The following TMEM131 variants were observed in gnomAD, a reference collection of about 807,000 sequenced individuals.
TMEM131 encodes the protein 2610524E03Rik.
A neutral mutation model predicts 211.6 loss-of-function variants in TMEM131; 66 were observed. That is an observed-to-expected ratio of 0.31 (90% CI 0.26 to 0.38). TMEM131 has a LOEUF of 0.38. Among genes scored for constraint, TMEM131 ranks in the 10% least tolerant of loss-of-function variants. TMEM131 has a pLI of 1.00. For missense variants in TMEM131, 2,036 were observed against 2,299.3 expected (o/e 0.89, Z 2.34); for synonymous variants, 844 against 841.3 (o/e 1.00, Z -0.06).
chr2:97,790,424 C>A (rs967051830), intron 31 of TMEM131, among the ~76,000 whole-genome samples: 8 of 152,214 alleles, frequency 5.3e-5, no homozygotes, highest in African/African-American at 1.9e-4. Context: ...TGTCTCCTCA[C>A]AGGCTCAAGA....
rs1476558174 is a variant in TMEM131, at chr2:97,757,097, A to T, written c.*2T>A. 6 of 1,578,388 alleles carry T rather than the reference A, an allele frequency of 3.8e-6. No homozygotes were observed. In the Admixed American group the frequency reaches 7.3e-5, roughly 19 times the overall value. On this transcript the variant is annotated 3_prime_UTR_variant, in exon 41 of 41. Coordinates refer to ENST00000186436, the MANE Select transcript of TMEM131 (RefSeq NM_015348.2). ...ACTATGTTTGTTTGTTTTTTGCTTA[A>T]TTTAATTCTCGTGAGGAAAGTGCGA...
chr2:97,895,050 T>A (rs994419327), intron 3 of TMEM131, among the ~76,000 whole-genome samples: 10 of 152,220 alleles, frequency 6.6e-5, no homozygotes, highest in Admixed American at 2.0e-4. Context: ...GTTCCATCAA[T>A]ACCTAATTTA....
At chr2:97,905,012 ATT>A (rs1197897072) in intron 3 of TMEM131, among the ~76,000 whole-genome samples, 1 of 152,226 alleles carries the variant, frequency 6.6e-6, no homozygotes, top group Admixed American at 6.5e-5. Context: ...AGAAATTAAC[ATT>A]TTGTTAACCA....
intron 4 of TMEM131, among the ~76,000 whole-genome samples, chr2:97,874,739 A>AG (rs1674624037): frequency 6.6e-6 from 1 of 152,374 alleles, no homozygotes; most frequent in African/African-American, 2.4e-5. Context: ...AAATATGGAC[A>AG]GGAACAACCA....
rs199655201 is a variant in TMEM131, at chr2:97,792,406, G to A, written c.4124C>T (p.Ser1375Leu). The A allele has an allele frequency of 5.1e-6, 8 of 1,581,468 alleles. No homozygotes were observed. Among genetic ancestry groups the A allele is most frequent in the Non-Finnish European group, 6.9e-6 (8 of 1,162,228 alleles). ...ATTACCTTTGCTTTTTGGCAATGGC[G>A]ATGGAGGCTGCTCTGTAAACACTTC... ...ALEVFTEQPP[S>L]PLPKSKGKGK... is the part of the protein sequence containing the mutation. The change falls in exon 31 of 41, where the codon TCG (serine) becomes TTG (leucine). Residue 1375 changes from serine (S) to leucine (L), a missense_variant. Physicochemically the swap from Ser to Leu is moderately radical, Grantham distance 145 (BLOSUM62 -2). This residue lies in a region of TMEM131 where 1,623 missense variants were observed against 1,805.9 expected (regional missense o/e 0.90). Coordinates refer to ENST00000186436, the MANE Select transcript of TMEM131 (RefSeq NM_015348.2).
intron 4 of TMEM131, among the ~76,000 whole-genome samples, chr2:97,871,372 A>G (rs1399764396): frequency 2.6e-5 from 4 of 152,232 alleles, no homozygotes; most frequent in African/African-American, 7.2e-5. Context: ...AGCAAGGATG[A>G]TAATAACCTT....
At chr2:97,961,070 G>A (rs1048388968) in intron 1 of TMEM131, among the ~76,000 whole-genome samples, 2 of 151,692 alleles carry the variant, frequency 1.3e-5, no homozygotes, top group African/African-American at 4.8e-5. Context: ...CATCGTACTT[G>A]ATGGTCAAAG....
Position 97,792,477 on chromosome 2 carries a change from T to A in TMEM131, c.4053A>T (p.Ile1351=). 1 of 1,613,782 alleles carries A rather than the reference T, an allele frequency of 6.2e-7. No homozygotes were observed. Among genetic ancestry groups the A allele is most frequent in the East Asian group, 2.2e-5 (1 of 44,870 alleles). ...GGTCGAAGTCTTTGTCCATGGCTTC[T>A]ATGAGACTGGTGATGTCCGAGTCCT... ...SSEDSDITSL[I]EAMDKDFDHH... is the part of the protein sequence containing the mutation. The change falls in exon 31 of 41, where the codon ATA becomes ATT. Residue 1351 remains isoleucine, a synonymous_variant. Coordinates refer to ENST00000186436, the MANE Select transcript of TMEM131 (RefSeq NM_015348.2).
At chr2:97,854,744 C>A (rs1466486350) in intron 5 of TMEM131, among the ~76,000 whole-genome samples, 1 of 152,194 alleles carries the variant, frequency 6.6e-6, no homozygotes, top group African/African-American at 2.4e-5. Context: ...CTTTGCACAA[C>A]AGGCCTGCTT....
At chr2:97,931,001 T>C (rs994707596) in intron 1 of TMEM131, among the ~76,000 whole-genome samples, 11 of 151,926 alleles carry the variant, frequency 7.2e-5, no homozygotes, top group African/African-American at 2.7e-4. Flanking sequence ...AGCAAGAAAG[T>C]GGCTAGAGAA....
intron 1 of TMEM131, among the ~76,000 whole-genome samples, chr2:97,953,642 C>T (rs111577396): frequency 1.3e-5 from 2 of 152,276 alleles, no homozygotes; most frequent in African/African-American, 4.8e-5. Flanking sequence ...AAGAACTGAA[C>T]AACAATCAAC....
chr2:97,834,556 G>T, intron 10 of TMEM131, 65 bp downstream of exon 10: 2 of 1,190,624 alleles, frequency 1.7e-6, no homozygotes, highest in Non-Finnish European at 2.3e-6. Flanking sequence ...GAGCCATTCA[G>T]CACTGAATAC....
At chr2:97,772,245 C>T (rs762745207) in intron 33 of TMEM131, 52 bp downstream of exon 33, 74 of 1,571,648 alleles carry the variant, frequency 4.7e-5, no homozygotes, top group Non-Finnish European at 5.8e-5. Context: ...ACCTGGTTTT[C>T]GCCAGCAACT....
At chr2:97,893,123 T>C (rs146516744) in intron 3 of TMEM131, among the ~76,000 whole-genome samples, 2,305 of 152,268 alleles carry the variant, frequency 0.015, 50 homozygotes, top group African/African-American at 0.042. Context: ...CTCCCACTTA[T>C]GAGTGAGAAC....
intron 33 of TMEM131, 47 bp downstream of exon 33, chr2:97,772,250 G>A: frequency 6.4e-7 from 1 of 1,572,560 alleles, no homozygotes; most frequent in Non-Finnish European, 8.6e-7. Context: ...GTTTTCGCCA[G>A]CAACTTCTTT....
chr2:97,920,671 T>C, intron 2 of TMEM131, among the ~76,000 whole-genome samples: 1 of 152,186 alleles, frequency 6.6e-6, no homozygotes, highest in East Asian at 1.9e-4. Context: ...GCCACTTTTA[T>C]AGATCAATAA....
At chr2:97,863,888 TA>T (rs1674163339) in intron 4 of TMEM131, among the ~76,000 whole-genome samples, 1 of 152,074 alleles carries the variant, frequency 6.6e-6, no homozygotes, top group Admixed American at 6.6e-5. Flanking sequence ...ACACCCAAAA[TA>T]AAGGAAATCA....
intron 1 of TMEM131, among the ~76,000 whole-genome samples, chr2:97,971,410 A>T (rs1679289215): frequency 6.6e-6 from 1 of 152,230 alleles, no homozygotes; most frequent in Non-Finnish European, 1.5e-5. Flanking sequence ...AAGAAAAAAA[A>T]TACTGAAATA....
chr2:97,859,653 G>A (rs1246210724), intron 4 of TMEM131, among the ~76,000 whole-genome samples: 3 of 152,212 alleles, frequency 2.0e-5, no homozygotes, highest in East Asian at 3.8e-4. Flanking sequence ...GGGATACAGT[G>A]AAGCAAGTTT....
Sources: allele counts gnomAD v4.1 joint callset (sites outside exome capture counted in the v4.1 genomes callset), GRCh38; gene constraint gnomAD v4.1.1; regional missense constraint gnomAD v4.1.1; transcripts MANE v1.5; gene names NCBI Gene and HGNC (gene_info 2026-07-23, HGNC 2026-07-21).